The following FAM184A variants were observed in gnomAD, a reference collection of about 807,000 sequenced individuals.
The protein encoded by FAM184A is family with sequence similarity 184 member A, also known as protein FAM184A.
A neutral mutation model predicts 143.8 loss-of-function variants in FAM184A; 99 were observed. That is an observed-to-expected ratio of 0.69 (90% CI 0.58 to 0.81). The LOEUF is 0.81. Among genes scored for constraint, FAM184A ranks in the 40% least tolerant of loss-of-function variants. The probability of loss-of-function intolerance (pLI) is 0.00; values close to 1 mark genes in which losing one functional copy is unlikely to be tolerated. For synonymous variants in FAM184A, 427 were observed against 446.4 expected (o/e 0.96, Z 0.55); for missense variants, 1,217 against 1,310.5 (o/e 0.93, Z 1.10).
At chr6:119,029,166 A>G (rs1313639575) in intron 1 of FAM184A, among the ~76,000 whole-genome samples, 2 of 152,226 alleles carry the variant, frequency 1.3e-5, no homozygotes, top group African/African-American at 4.8e-5. Context: ...GCCACAAGGA[A>G]GGAAAAGAGA....
intron 5 of FAM184A, among the ~76,000 whole-genome samples, chr6:119,012,001 G>A (rs1356099815): frequency 3.3e-5 from 5 of 152,168 alleles, no homozygotes; most frequent in African/African-American, 1.2e-4. Context: ...AACAATTAAA[G>A]AATATTAACT....
chr6:118,985,352 G>T (rs1410627470), intron 9 of FAM184A, among the ~76,000 whole-genome samples: 1 of 152,194 alleles, frequency 6.6e-6, no homozygotes, highest in African/African-American at 2.4e-5. Context: ...GAAACCATGA[G>T]AGTGTCCTGA....
At chr6:118,995,555 C>T (rs9688426) in intron 9 of FAM184A, among the ~76,000 whole-genome samples, 4,373 of 152,222 alleles carry the variant, frequency 0.029, 215 homozygotes, top group African/African-American at 0.1. Context: ...AATTAAGATA[C>T]AGAAGTGGGA....
chr6:119,007,622 T>C (rs1463852616), intron 6 of FAM184A, among the ~76,000 whole-genome samples: 1 of 152,180 alleles, frequency 6.6e-6, no homozygotes, highest in African/African-American at 2.4e-5. Flanking sequence ...TTGGTAAAAT[T>C]CTTCCATTAA....
intron 1 of FAM184A, among the ~76,000 whole-genome samples, chr6:119,124,526 G>A (rs547137646): frequency 2.5e-4 from 38 of 152,220 alleles, no homozygotes; most frequent in African/African-American, 8.9e-4. Context: ...ACCTGGGGGT[G>A]TAAAAGCCTT....
intron 14 of FAM184A, among the ~76,000 whole-genome samples, chr6:118,968,555 G>A (rs1040133037): frequency 7.2e-5 from 11 of 152,276 alleles, no homozygotes; most frequent in South Asian, 6.2e-4. Context: ...ATTAAGAGTC[G>A]AGAAATACTA....
intron 9 of FAM184A, among the ~76,000 whole-genome samples, chr6:118,987,421 G>A (rs374049513): frequency 6.6e-6 from 1 of 152,138 alleles, no homozygotes; most frequent in Admixed American, 6.5e-5. Flanking sequence ...TATGGGTTTG[G>A]TGTGAAAATA....
rs532782378 is a variant in FAM184A, at chr6:119,028,295, T to C, written c.160-3482A>G. Among the ~76,000 whole-genome samples the C allele has an allele frequency of 4.6e-5, 7 of 152,346 alleles. No homozygotes were observed. The East Asian group carries it at 1.4e-3, about 29-fold the overall frequency. ...TTCTGTTCTTTAACAGCAGAGCTCC[T>C]AAATCCCTTGGAATCTCTTGCGGGA... is the stretch of plus-strand genomic sequence containing the variant. On this transcript the variant is annotated intron_variant, in intron 1 of 17. Transcript: ENST00000338891.
intron 9 of FAM184A, among the ~76,000 whole-genome samples, chr6:119,001,047 C>T (rs1784740442): frequency 6.7e-6 from 1 of 150,296 alleles, no homozygotes; most frequent in Non-Finnish European, 1.5e-5. Flanking sequence ...CAACAAGATC[C>T]AGAGCCAAGA....
intron 11 of FAM184A, among the ~76,000 whole-genome samples, chr6:118,976,307 A>C (rs1783845007): frequency 1.3e-5 from 2 of 152,210 alleles, no homozygotes. Flanking sequence ...ACATGCTTTC[A>C]GTATGCAGGT....
At chr6:119,118,437 T>C (rs546777408) in intron 1 of FAM184A, among the ~76,000 whole-genome samples, 1 of 152,238 alleles carries the variant, frequency 6.6e-6, no homozygotes, top group Non-Finnish European at 1.5e-5. Context: ...AAAGCTATTA[T>C]GTTTCTCATG....
At chr6:119,033,456 G>T (rs200851795) in intron 1 of FAM184A, among the ~76,000 whole-genome samples, 1 of 151,582 alleles carries the variant, frequency 6.6e-6, no homozygotes, top group Non-Finnish European at 1.5e-5. Flanking sequence ...ATGAGGTCAG[G>T]AGTTCAAGAC....
At chr6:119,121,621 A>G (rs148112504) in intron 1 of FAM184A, among the ~76,000 whole-genome samples, 67 of 152,356 alleles carry the variant, frequency 4.4e-4, no homozygotes, top group Non-Finnish European at 8.2e-4. Flanking sequence ...AGCAGCACTG[A>G]CATTCTAATG....
chr6:119,104,773 G>A (rs185655685), intron 1 of FAM184A, among the ~76,000 whole-genome samples: 24 of 152,180 alleles, frequency 1.6e-4, no homozygotes, highest in South Asian at 4.2e-4. Context: ...TATAAAACGC[G>A]CGAAAAACTG....
intron 1 of FAM184A, among the ~76,000 whole-genome samples, chr6:119,108,673 CTT>C (rs1264864044): frequency 2.0e-5 from 3 of 152,278 alleles, no homozygotes; most frequent in African/African-American, 7.2e-5. Flanking sequence ...TTGGTTCCCT[CTT>C]TGGAAGGAGT....
intron 1 of FAM184A, among the ~76,000 whole-genome samples, chr6:119,035,436 G>A (rs948728865): frequency 6.6e-6 from 1 of 152,112 alleles, no homozygotes; most frequent in Non-Finnish European, 1.5e-5. Flanking sequence ...TTTACAGGAC[G>A]CACAGCAAGC....
chr6:119,148,231 T>A (rs1462475647), intron 1 of FAM184A, among the ~76,000 whole-genome samples: 2 of 152,170 alleles, frequency 1.3e-5, no homozygotes, highest in Admixed American at 1.3e-4. Flanking sequence ...AGGCAGGGCT[T>A]GGCTGGACTT....
chr6:119,012,524 A>T (rs764582114), intron 5 of FAM184A, among the ~76,000 whole-genome samples: 2 of 152,212 alleles, frequency 1.3e-5, no homozygotes, highest in African/African-American at 4.8e-5. Context: ...GTCCTTATAC[A>T]AGACAGGCTG....
chr6:119,012,656 A>G (rs999059977), intron 5 of FAM184A, among the ~76,000 whole-genome samples: 1 of 152,220 alleles, frequency 6.6e-6, no homozygotes, highest in African/African-American at 2.4e-5. Context: ...TTCCTGTCAC[A>G]TGTCAAAATT....
Sources: allele counts gnomAD v4.1 joint callset (sites outside exome capture counted in the v4.1 genomes callset), GRCh38; gene constraint gnomAD v4.1.1; transcripts MANE v1.5; gene names NCBI Gene and HGNC (gene_info 2026-07-23, HGNC 2026-07-21).